Variants in ZNF621 observed in about 807,000 individuals in gnomAD.
The protein encoded by ZNF621 is zinc finger protein 621.
ZNF621 carries 6 observed loss-of-function variants against 12.7 expected under a neutral mutation model. The ratio of observed to expected loss-of-function variants is 0.47; its 90% confidence interval spans 0.26 to 0.93. The LOEUF (loss-of-function observed/expected upper bound fraction) is 0.93, where lower values mean the gene tolerates loss of function less well. ZNF621 is among the 40% of genes least tolerant of loss of function. The pLI, the probability that ZNF621 is intolerant of heterozygous loss-of-function variation, is 0.15. For missense variants in ZNF621, 474 were observed against 524.0 expected (o/e 0.90, Z 0.93); for synonymous variants, 156 against 190.3 (o/e 0.82, Z 1.48).
rs773438210 is a variant in ZNF621, at chr3:40,532,737, G to A, written c.967G>A (p.Val323Met). 6.2e-7 allele frequency: 1 copy of A among 1,614,194 alleles called. No homozygotes were observed. Among genetic ancestry groups the A allele is most frequent in the South Asian group, 1.1e-5 (1 of 91,078 alleles). The change falls in exon 5 of 5, where the codon GTG becomes ATG. Residue 323 changes from valine (V) to methionine (M), a missense_variant. Val to Met is a conservative substitution (Grantham distance 21, BLOSUM62 1). Coordinates refer to ENST00000339296, the MANE Select transcript of ZNF621 (RefSeq NM_198484.5). ...TGGGGAGAAGCCTTATGAATGTAAG[G>A]TGTGTGGGAAAGCCTTCAAATGGTA... ...HTGEKPYECK[V>M]CGKAFKWYGS...
In ZNF621 at chr3:40,535,442, C is replaced by G. The variant is rs534890949; in HGVS notation, c.*2352C>G. The stretch of plus-strand genomic sequence containing the variant: ...GCTGGGATGCCACATAGGCAGAAGC[C>G]AGGAAAAATGACCAACCACAGAACC... On this transcript the variant is annotated 3_prime_UTR_variant, in exon 5 of 5. Coordinates refer to ENST00000339296, the MANE Select transcript of ZNF621 (RefSeq NM_198484.5). 1 of 152,282 alleles carries G rather than the reference C, an allele frequency of 6.6e-6. No individual in the cohort carries two copies. The highest frequency in any genetic ancestry group is 2.1e-4 in the South Asian group (1 of 4,828). 9.4% of individuals were successfully genotyped at this position (152,282 alleles called of 1,614,324 possible).
At chr3:40,527,039 A>G (rs1391573224) in intron 2 of ZNF621, among the ~76,000 whole-genome samples, 1 of 151,672 alleles carries the variant, frequency 6.6e-6, no homozygotes, top group African/African-American at 2.4e-5. Context: ...TTTTTTTGAG[A>G]TGGAGTCTCA....
chr3:40,531,537 G>A (rs1163062237), intron 4 of ZNF621, among the ~76,000 whole-genome samples: 1 of 151,908 alleles, frequency 6.6e-6, no homozygotes, highest in Non-Finnish European at 1.5e-5. Flanking sequence ...CCATTTCTGT[G>A]TCTTTACTTC....
rs1248541704 is a variant in ZNF621 at position 40,536,029 on chromosome 3, G to A, written c.*2939G>A. The A allele has an allele frequency of 6.6e-6, 1 of 151,932 alleles. No individual in the cohort carries two copies. Among genetic ancestry groups the A allele is most frequent in the East Asian group, 1.9e-4 (1 of 5,182 alleles). 9.4% of individuals were successfully genotyped at this position (151,932 alleles called of 1,614,324 possible). A position where few individuals can be genotyped will look rare whatever the true frequency, so the allele number is the denominator to read the frequency against. ...TTATATACAATGATCATCAAACACA[G>A]AACAAAGCAAAAAACAAACTCCCCA... is the stretch of plus-strand genomic sequence containing the variant. On this transcript the variant is annotated 3_prime_UTR_variant, in exon 5 of 5. Coordinates refer to ENST00000339296, the MANE Select transcript of ZNF621 (RefSeq NM_198484.5).
Position 40,538,329 on chromosome 3 carries a change from A to G in ZNF621, c.*5239A>G, listed in dbSNP as rs1468321747. On this transcript the variant is annotated 3_prime_UTR_variant, in exon 5 of 5. Coordinates refer to ENST00000339296, the MANE Select transcript of ZNF621 (RefSeq NM_198484.5). Reference sequence around the variant, plus strand: ...GGAGTTTGAGACCAGCCTGACCAACATGGAGAAACCCTATCTCTACTAAAA... The same window carrying G: ...GGAGTTTGAGACCAGCCTGACCAACGTGGAGAAACCCTATCTCTACTAAAA... 3.2e-6 allele frequency: 1 copy of G among 311,490 alleles called. No individual in the cohort carries two copies. The highest frequency in any genetic ancestry group is 6.3e-6 in the Non-Finnish European group (1 of 158,256). 19.3% of individuals were successfully genotyped at this position (311,490 alleles called of 1,614,324 possible). A position where few individuals can be genotyped will look rare whatever the true frequency, so the allele number is the denominator to read the frequency against.
chr3:40,529,366 A>G lies in ZNF621; in HGVS notation c.72A>G (p.Gln24=). The G allele has an allele frequency of 1.2e-6, 2 of 1,613,954 alleles. No homozygotes were observed. The highest frequency in any genetic ancestry group is 1.7e-6 in the Non-Finnish European group (2 of 1,179,880). The change falls in exon 3 of 5, where the codon CAA becomes CAG. Residue 24 remains glutamine (Q), a synonymous_variant. Transcript: ENST00000339296. ...EDVAVYFTQN[Q]WASLDPAQRA... is the part of the protein sequence containing the mutation. ...TGGCTGTTTACTTCACCCAGAATCA[A>G]TGGGCCAGCCTCGACCCTGCGCAGA...
rs751980438 is a variant in ZNF621, at chr3:40,532,761, T to C, written c.991T>C (p.Tyr331His). The C allele has an allele frequency of 8.7e-6, 14 of 1,614,108 alleles. No homozygotes were observed. The highest frequency in any genetic ancestry group is 1.2e-5 in the Non-Finnish European group (14 of 1,180,014). ...GGTGTGTGGGAAAGCCTTCAAATGG[T>C]ATGGAAGTTTTGTTCAGCATCAGAA... ...CKVCGKAFKW[Y>H]GSFVQHQKLH... The change falls in exon 5 of 5, where the codon TAT (tyrosine) becomes CAT (histidine). Residue 331 changes from tyrosine to histidine, a missense_variant. Transcript: ENST00000339296.
intron 3 of ZNF621, among the ~76,000 whole-genome samples, chr3:40,529,727 A>T (rs543625194): frequency 2.0e-4 from 31 of 152,242 alleles, no homozygotes; most frequent in African/African-American, 7.5e-4. Flanking sequence ...GGCTCAAGCA[A>T]TTCTCCTATT....
intron 4 of ZNF621, among the ~76,000 whole-genome samples, chr3:40,530,899 A>G (rs1698711146): frequency 6.6e-6 from 1 of 152,078 alleles, no homozygotes; most frequent in African/African-American, 2.4e-5. Flanking sequence ...CATACACACA[A>G]ACACATGCAC....
upstream of ZNF621, among the ~76,000 whole-genome samples, chr3:40,524,103 G>A (rs6599108): frequency 0.5 from 75,524 of 152,080 alleles, 20,709 homozygotes; most frequent in African/African-American, 0.74. Flanking sequence ...AATATGAAAA[G>A]TAAGTTCTTT....
intron 1 of ZNF621, 184 bp downstream of exon 1, chr3:40,525,458 C>T (rs1423344801): frequency 8.5e-6 from 3 of 353,604 alleles, no homozygotes; most frequent in African/African-American, 2.2e-5. Context: ...CGTCATCGTC[C>T]CTGTAAGCAT....
At chr3:40,529,484 A>C in intron 3 of ZNF621, 39 bp downstream of exon 3, 1 of 1,609,980 alleles carries the variant, frequency 6.2e-7, no homozygotes, top group South Asian at 1.1e-5. Flanking sequence ...ACAGTTTGCT[A>C]TCTTCCTCAG....
intron 2 of ZNF621, among the ~76,000 whole-genome samples, chr3:40,527,646 A>G (rs1361284662): frequency 1.3e-5 from 2 of 152,200 alleles, no homozygotes; most frequent in African/African-American, 2.4e-5. Context: ...GAGATTTCCC[A>G]TATATTCCCT....
chr3:40,523,822 T>G, upstream of ZNF621, among the ~76,000 whole-genome samples: 1 of 149,696 alleles, frequency 6.7e-6, no homozygotes, highest in South Asian at 2.1e-4. Flanking sequence ...TCTGTCCATC[T>G]TAGCAACCAC....
upstream of ZNF621, chr3:40,524,953 A>T (rs1454436001): frequency 6.6e-6 from 1 of 151,970 alleles, no homozygotes; most frequent in Non-Finnish European, 1.5e-5. Flanking sequence ...CTGGGCGTGC[A>T]CTCGCCCTTC....
At position 40,534,581 on chromosome 3, in the gene ZNF621, T is replaced by C. The variant is rs1031540584; in HGVS notation, c.*1491T>C. 1.3e-5 allele frequency: 2 copies of C among 152,004 alleles called. No individual in the cohort carries two copies. Among genetic ancestry groups the C allele is most frequent in the Non-Finnish European group, 2.9e-5 (2 of 68,014 alleles). 9.4% of individuals were successfully genotyped at this position (152,004 alleles called of 1,614,324 possible). A position where few individuals can be genotyped will look rare whatever the true frequency, so the allele number is the denominator to read the frequency against. ...AACTTTACCATGTGTCTGAATTACA[T>C]AGTGTGCTTGTAAAAAGAAGAGTTT... On this transcript the variant is annotated 3_prime_UTR_variant, in exon 5 of 5. Transcript: ENST00000339296.
At position 40,538,043 on chromosome 3, in the gene ZNF621, T is replaced by C. The variant is rs904890778; in HGVS notation, c.*4953T>C. On this transcript the variant is annotated 3_prime_UTR_variant, in exon 5 of 5. Coordinates refer to ENST00000339296, the MANE Select transcript of ZNF621 (RefSeq NM_198484.5). Reference sequence around the variant, plus strand: ...GGTTCATGCAGCTGGTAACTTTAAGTTGAAGCCAATGCTCATTTACCATTC... The same window carrying C: ...GGTTCATGCAGCTGGTAACTTTAAGCTGAAGCCAATGCTCATTTACCATTC... Among the ~76,000 whole-genome samples the C allele has an allele frequency of 6.6e-6, 1 of 152,206 alleles. No individual in the cohort carries two copies. The highest frequency in any genetic ancestry group is 1.5e-5 in the Non-Finnish European group (1 of 68,034).
At chr3:40,530,403 A>G in intron 4 of ZNF621, 87 bp downstream of exon 4, 1 of 1,047,240 alleles carries the variant, frequency 9.5e-7, no homozygotes, top group Non-Finnish European at 1.4e-6. Context: ...GCAGGGTACA[A>G]ATCTCCCAGT....
chr3:40,529,058 G>T (rs1481775085), intron 2 of ZNF621, among the ~76,000 whole-genome samples: 2 of 152,152 alleles, frequency 1.3e-5, no homozygotes, highest in African/African-American at 4.8e-5. Flanking sequence ...CTCAGCCTGG[G>T]TGCCAAGCTG....
Sources: gnomAD v4.1 joint callset for allele counts (sites outside exome capture counted in the v4.1 genomes callset) on GRCh38, gnomAD v4.1.1 for gene constraint, MANE v1.5 for transcripts, NCBI Gene and HGNC (gene_info 2026-07-23, HGNC 2026-07-21) for gene names.